WWP2: variants seen among roughly 807,000 people sequenced by gnomAD.
WWP2 encodes WW domain containing E3 ubiquitin protein ligase 2.
A neutral mutation model predicts 121.0 loss-of-function variants in WWP2; 57 were observed. The ratio of observed to expected loss-of-function variants is 0.47; its 90% CI spans 0.38 to 0.59. WWP2 has a LOEUF of 0.59. Among genes scored for constraint, WWP2 ranks in the 20% least tolerant of loss-of-function variants. The pLI, the probability that WWP2 is intolerant of heterozygous loss-of-function variation, is 0.00. For missense variants in WWP2, 962 were observed against 1,158.9 expected (o/e 0.83, Z 2.47); for synonymous variants, 449 against 441.3 (o/e 1.02, Z -0.22).
chr16:69,939,776 C>CATGGTG, intron 23 of WWP2, 65 bp from the exon 24 acceptor site: 1 of 1,452,578 alleles, frequency 6.9e-7, no homozygotes, highest in Non-Finnish European at 9.5e-7. Context: ...TGCAGGCAGG[C>CATGGTG]ATGGTGGGGC....
intron 19 of WWP2, 196 bp downstream of exon 19, chr16:69,936,648 A>T: frequency 1.4e-6 from 1 of 709,596 alleles, no homozygotes; most frequent in Non-Finnish European, 2.3e-6. Context: ...TTAGTTACCG[A>T]CTCCCAGCTG....
At chr16:69,873,349 G>T (rs1285074170) in intron 7 of WWP2, among the ~76,000 whole-genome samples, 3 of 152,194 alleles carry the variant, frequency 2.0e-5, no homozygotes, top group Non-Finnish European at 4.4e-5. Flanking sequence ...AAGATGGAGT[G>T]GTCTGTGTCC....
chr16:69,806,953 T>TATTTATTTATTC (rs770245519), intron 4 of WWP2, among the ~76,000 whole-genome samples: 9 of 146,168 alleles, frequency 6.2e-5, no homozygotes, highest in African/African-American at 1.5e-4. Context: ...TTTATTTATT[T>TATTTATTTATTC]ATTCATTCAT....
chr16:69,802,255 C>T (rs886907756), intron 4 of WWP2, among the ~76,000 whole-genome samples: 1 of 152,122 alleles, frequency 6.6e-6, no homozygotes, highest in Non-Finnish European at 1.5e-5. Context: ...TGATAAAATA[C>T]ACATGATGTA....
At chr16:69,934,658 G>C (rs1207570241) in intron 17 of WWP2, among the ~76,000 whole-genome samples, 2 of 151,662 alleles carry the variant, frequency 1.3e-5, no homozygotes, top group African/African-American at 4.8e-5. Context: ...TTCTGGAAGG[G>C]CATTTGGAAT....
intron 9 of WWP2, among the ~76,000 whole-genome samples, chr16:69,911,424 G>T (rs1293626096): frequency 6.6e-6 from 1 of 152,346 alleles, no homozygotes; most frequent in African/African-American, 2.4e-5. Flanking sequence ...TCCAGGTTGG[G>T]GGGACAGTGG....
intron 4 of WWP2, among the ~76,000 whole-genome samples, chr16:69,837,948 C>T (rs373744747): frequency 7.2e-5 from 11 of 152,118 alleles, no homozygotes; most frequent in African/African-American, 2.2e-4. Flanking sequence ...AAGGCTAGGG[C>T]GCGGTGGCTC....
At chr16:69,801,893 T>C (rs1448531424) in intron 4 of WWP2, among the ~76,000 whole-genome samples, 10 of 152,044 alleles carry the variant, frequency 6.6e-5, no homozygotes, top group Admixed American at 2.6e-4. Context: ...TATGCCTTTT[T>C]CTCTTTAAAA....
At chr16:69,886,927 A>T (rs1490670038) in intron 7 of WWP2, among the ~76,000 whole-genome samples, 1 of 152,242 alleles carries the variant, frequency 6.6e-6, no homozygotes, top group African/African-American at 2.4e-5. Flanking sequence ...CTAAATGATG[A>T]CTAAGGTGTT....
intron 6 of WWP2, among the ~76,000 whole-genome samples, chr16:69,860,881 T>C (rs978749380): frequency 2.0e-5 from 3 of 151,606 alleles, no homozygotes; most frequent in African/African-American, 7.3e-5. Context: ...TAATATACTG[T>C]AGTCCCCCAT....
intron 4 of WWP2, among the ~76,000 whole-genome samples, chr16:69,815,175 G>C (rs2056465628): frequency 6.6e-6 from 1 of 151,864 alleles, no homozygotes; most frequent in Non-Finnish European, 1.5e-5. Context: ...GCTAATTTTT[G>C]TATTTTTAGT....
At chr16:69,777,177 CA>C (rs750287153) in intron 1 of WWP2, among the ~76,000 whole-genome samples, 26 of 151,016 alleles carry the variant, frequency 1.7e-4, no homozygotes, top group Non-Finnish European at 2.7e-4. Flanking sequence ...TGGATATACA[CA>C]TATGTGTATA....
At chr16:69,874,396 G>A (rs2057698468) in intron 7 of WWP2, among the ~76,000 whole-genome samples, 1 of 152,194 alleles carries the variant, frequency 6.6e-6, no homozygotes, top group Non-Finnish European at 1.5e-5. Context: ...GTGGTGGTGG[G>A]GAGCTCTGCC....
chr16:69,888,513 G>T (rs962664765), intron 8 of WWP2, among the ~76,000 whole-genome samples: 1 of 152,044 alleles, frequency 6.6e-6, no homozygotes, highest in Non-Finnish European at 1.5e-5. Flanking sequence ...TGGCTTTTAC[G>T]GAACAAGGAG....
At chr16:69,835,804 A>AT (rs34492692) in intron 4 of WWP2, among the ~76,000 whole-genome samples, 54,852 of 142,124 alleles carry the variant, frequency 0.39, 10,247 homozygotes, top group Admixed American at 0.47. Context: ...ACCAAAGTAA[A>AT]TTTTTTTTTT....
chr16:69,810,246 T>G (rs956449737), intron 4 of WWP2, among the ~76,000 whole-genome samples: 1 of 152,210 alleles, frequency 6.6e-6, no homozygotes, highest in African/African-American at 2.4e-5. Context: ...ATGCAGGGTT[T>G]CACTCACGTC....
At chr16:69,875,057 A>G (rs1567399239) in intron 7 of WWP2, among the ~76,000 whole-genome samples, 4 of 152,044 alleles carry the variant, frequency 2.6e-5, no homozygotes, top group Non-Finnish European at 4.4e-5. Flanking sequence ...TATATATCTC[A>G]TAAGTTGTCA....
intron 4 of WWP2, among the ~76,000 whole-genome samples, chr16:69,809,073 A>G (rs2056339628): frequency 6.6e-6 from 1 of 152,026 alleles, no homozygotes; most frequent in Non-Finnish European, 1.5e-5. Flanking sequence ...CAGTGGTTAT[A>G]TTGTTTGTGG....
chr16:69,923,539 A>G (rs970824467), intron 10 of WWP2, among the ~76,000 whole-genome samples: 4 of 152,186 alleles, frequency 2.6e-5, no homozygotes, highest in African/African-American at 9.7e-5. Flanking sequence ...TGTAGAATTA[A>G]GCAAAAGATG....
Sources: allele counts gnomAD v4.1 joint callset (sites outside exome capture counted in the v4.1 genomes callset), GRCh38; gene constraint gnomAD v4.1.1; transcripts MANE v1.5; gene names NCBI Gene and HGNC (gene_info 2026-07-23, HGNC 2026-07-21).